The following RBMS2 variants were observed in gnomAD, a reference collection of about 807,000 sequenced individuals.
RBMS2 encodes the protein RNA-binding motif, single-stranded-interacting protein 2.
Under a neutral mutation model 58.4 loss-of-function variants are expected in RBMS2, and 38 were observed. That is an observed-to-expected ratio of 0.65 (90% CI 0.50 to 0.85). The LOEUF is 0.85. Among genes scored for constraint, RBMS2 ranks in the 40% least tolerant of loss-of-function variants. The pLI is 0.00. For synonymous variants in RBMS2, 151 were observed against 180.7 expected (o/e 0.84, Z 1.32); for missense variants, 367 against 503.7 (o/e 0.73, Z 2.60).
Position 56,588,342 on chromosome 12 carries a change from A to G in RBMS2, c.1111A>G (p.Thr371Ala), listed in dbSNP as rs954749575. The G allele has an allele frequency of 1.2e-6, 2 of 1,613,560 alleles. No individual in the cohort carries two copies. Among genetic ancestry groups the G allele is most frequent in the African/African-American group, 2.7e-5 (2 of 74,842 alleles). Residue 371 changes from threonine to alanine, a missense_variant, in exon 12 of 14, where the codon ACC (threonine) becomes GCC (alanine). Coordinates refer to ENST00000262031, the MANE Select transcript of RBMS2 (RefSeq NM_002898.4). Reference protein sequence around the residue: ...AMQGAYISQYTPVPSSSVSVE... With the variant: ...AMQGAYISQYAPVPSSSVSVE... ...GCAAGGAGCTTACATCTCCCAGTAC[A>G]CCCCTGTGCCTTCTTCCAGTGTTTC... is the stretch of plus-strand genomic sequence containing the variant.
At chr12:56,582,265 CACA>C in intron 9 of RBMS2, 113 bp downstream of exon 9, 1 of 916,134 alleles carries the variant, frequency 1.1e-6, no homozygotes, top group Non-Finnish European at 1.7e-6. Context: ...AATCATATTA[CACA>C]CAATTTTACA....
At chr12:56,553,414 C>T (rs776452754) in intron 1 of RBMS2, among the ~76,000 whole-genome samples, 31 of 152,038 alleles carry the variant, frequency 2.0e-4, no homozygotes, top group Middle Eastern at 3.4e-3. Context: ...CTACAACCTC[C>T]GCCTCCCAGG....
At chr12:56,569,794 T>A in intron 3 of RBMS2, 105 bp from the exon 4 acceptor site, 1 of 985,180 alleles carries the variant, frequency 1.0e-6, no homozygotes, top group Admixed American at 2.1e-5. Flanking sequence ...CTCCCTCCCA[T>A]TTCTGTTACA....
chr12:56,558,450 A>G lies in RBMS2; in HGVS notation c.67-3967A>G, dbSNP rs191326689. On this transcript the variant is annotated intron_variant, in intron 1 of 13. Coordinates refer to ENST00000262031, the MANE Select transcript of RBMS2 (RefSeq NM_002898.4). Reference sequence around the variant, plus strand: ...ACATTATCTCACATTGAGAATGGGGATAGATGAACGCCAACTGAGGCAGGT... The same window carrying G: ...ACATTATCTCACATTGAGAATGGGGGTAGATGAACGCCAACTGAGGCAGGT... Among the ~76,000 whole-genome samples, 289 of 150,704 alleles carry G rather than the reference A, an allele frequency of 1.9e-3. 6 individuals are homozygous for G. In the Middle Eastern group the frequency reaches 0.034, roughly 18 times the overall value.
In RBMS2 at chr12:56,588,371, C is replaced by T. The variant is rs143825451; in HGVS notation, c.1140C>T (p.Val380=). Residue 380 remains valine, a synonymous_variant, in exon 12 of 14, where the codon GTC becomes GTT. Transcript: ENST00000262031. ...YTPVPSSSVS[V]EESSGQQNQV... is the part of the protein sequence containing the mutation. Reference sequence around the variant, plus strand: ...CTGTGCCTTCTTCCAGTGTTTCAGTCGAGGTAAGGGTGTTATCATTTCTTT... The same window carrying T: ...CTGTGCCTTCTTCCAGTGTTTCAGTTGAGGTAAGGGTGTTATCATTTCTTT... 5,149 of 1,610,436 alleles carry T rather than the reference C, an allele frequency of 3.2e-3. 17 individuals are homozygous for T. Among genetic ancestry groups the T allele is most frequent in the Non-Finnish European group, 3.8e-3 (4,503 of 1,176,974 alleles).
intron 5 of RBMS2, among the ~76,000 whole-genome samples, chr12:56,579,503 G>A (rs1238155848): frequency 1.7e-4 from 26 of 151,864 alleles, no homozygotes; most frequent in Admixed American, 1.7e-3. Flanking sequence ...TGTGGTGGCG[G>A]GCACCTGTAG....
In RBMS2 at chr12:56,587,615, G is replaced by A. The variant is rs755263749; in HGVS notation, c.1013G>A (p.Gly338Glu). 4 of 1,613,986 alleles carry A rather than the reference G, an allele frequency of 2.5e-6. No homozygotes were observed. The highest frequency in any genetic ancestry group is 2.2e-5 in the East Asian group (1 of 44,868). Residue 338 changes from glycine (G) to glutamate (E), a missense_variant, in exon 11 of 14, where the codon GGA (glycine) becomes GAA (glutamate). This residue lies in a region of RBMS2 where 220 missense variants were observed against 261.1 expected (regional missense o/e 0.84). Coordinates refer to ENST00000262031, the MANE Select transcript of RBMS2 (RefSeq NM_002898.4). ...TCTCTCCAGCCTGCCTCCATGATGGGACCCCTTACCCAGCAACTGGGCCAT... is the reference window on the plus strand; with the variant it reads ...TCTCTCCAGCCTGCCTCCATGATGGAACCCCTTACCCAGCAACTGGGCCAT... ...PISLQPASMM[G>E]PLTQQLGHLS...
In RBMS2 at chr12:56,592,393, A is replaced by T. The variant is rs1885364666; in HGVS notation, c.*3260A>T. Reference sequence around the variant, plus strand: ...CTAGCCATCTCCTATCGGTGTTATTACTCCTCATCTCAGGCTCTGAGATGA... The same window carrying T: ...CTAGCCATCTCCTATCGGTGTTATTTCTCCTCATCTCAGGCTCTGAGATGA... On this transcript the variant is annotated 3_prime_UTR_variant, in exon 14 of 14. Coordinates refer to ENST00000262031, the MANE Select transcript of RBMS2 (RefSeq NM_002898.4). 1 of 151,980 alleles carries T rather than the reference A, an allele frequency of 6.6e-6. No homozygotes were observed. Among genetic ancestry groups the T allele is most frequent in the South Asian group, 2.1e-4 (1 of 4,808 alleles). 9.4% of individuals were successfully genotyped at this position (151,980 alleles called of 1,614,324 possible). A position where few individuals can be genotyped will look rare whatever the true frequency, so the allele number is the denominator to read the frequency against.
chr12:56,575,835 G>A (rs1242095440), intron 5 of RBMS2, among the ~76,000 whole-genome samples: 2 of 151,292 alleles, frequency 1.3e-5, no homozygotes, highest in Non-Finnish European at 2.9e-5. Context: ...CGGAGGTTAC[G>A]GTGAGCTGAG....
At chr12:56,541,912 G>A (rs1876156558) in intron 1 of RBMS2, among the ~76,000 whole-genome samples, 1 of 152,166 alleles carries the variant, frequency 6.6e-6, no homozygotes, top group African/African-American at 2.4e-5. Flanking sequence ...TAGGGAATAA[G>A]TGTTTTTCCC....
chr12:56,521,850 C>T lies in RBMS2; in HGVS notation c.-174C>T. The T allele has an allele frequency of 5.8e-6, 3 of 521,164 alleles. No homozygotes were observed. Among genetic ancestry groups the T allele is most frequent in the South Asian group, 4.8e-5 (2 of 41,956 alleles). 32.3% of individuals were successfully genotyped at this position (521,164 alleles called of 1,614,324 possible). On this transcript the variant is annotated 5_prime_UTR_variant, in exon 1 of 14. Transcript: ENST00000262031. ...GAGCTCATTCTCTGCCCGCAGCCCCCCTTCATCTCTCTCCTCCTGCTCCTT... is the reference window on the plus strand; with the variant it reads ...GAGCTCATTCTCTGCCCGCAGCCCCTCTTCATCTCTCTCCTCCTGCTCCTT...
intron 10 of RBMS2, 150 bp from the exon 11 acceptor site, chr12:56,587,404 A>G (rs1178321701): frequency 2.7e-6 from 2 of 729,984 alleles, no homozygotes; most frequent in Non-Finnish European, 4.4e-6. Flanking sequence ...CAGAGTTCCT[A>G]TTCTTGTTGC....
chr12:56,560,478 T>C (rs937452742), intron 1 of RBMS2, among the ~76,000 whole-genome samples: 5 of 151,978 alleles, frequency 3.3e-5, no homozygotes, highest in Non-Finnish European at 5.9e-5. Flanking sequence ...GATCTTGAAC[T>C]CCTGAGCTCA....
chr12:56,584,005 A>C (rs1403208060), intron 9 of RBMS2, among the ~76,000 whole-genome samples: 1 of 152,220 alleles, frequency 6.6e-6, no homozygotes, highest in African/African-American at 2.4e-5. Context: ...TGGGCACCAC[A>C]CCCAGTTCCT....
intron 1 of RBMS2, among the ~76,000 whole-genome samples, chr12:56,536,338 G>A (rs1874826884): frequency 6.6e-6 from 1 of 151,676 alleles, no homozygotes. Context: ...TACCCAGGCT[G>A]TTCTTGAACT....
intron 1 of RBMS2, among the ~76,000 whole-genome samples, chr12:56,523,247 T>C (rs1488462289): frequency 6.6e-6 from 1 of 152,124 alleles, no homozygotes; most frequent in Non-Finnish European, 1.5e-5. Flanking sequence ...GTAGTAGATA[T>C]GTAGGATGAA....
intron 3 of RBMS2, 27 bp from the exon 4 acceptor site, chr12:56,569,872 C>G (rs774495741): frequency 1.3e-6 from 2 of 1,574,724 alleles, no homozygotes; most frequent in Non-Finnish European, 1.7e-6. Context: ...CTCCCACTTC[C>G]TAGTGATGCT....
rs895268100 is a variant in RBMS2 at position 56,577,793 on chromosome 12, C to A, written c.543-3391C>A. Among the ~76,000 whole-genome samples, 4 of 152,100 alleles carry A rather than the reference C, an allele frequency of 2.6e-5. No homozygotes were observed. In the East Asian group the frequency reaches 5.8e-4, roughly 22 times the overall value. On this transcript the variant is annotated intron_variant, in intron 5 of 13. Coordinates refer to ENST00000262031, the MANE Select transcript of RBMS2 (RefSeq NM_002898.4). ...TGCCTCCCAGGTTCAAGCAATTCTC[C>A]TGCCTCAACCTCCCAAGTAGCCGGG...
Position 56,588,297 on chromosome 12 carries a change from A to G in RBMS2, c.1066A>G (p.Met356Val). 1 of 1,613,472 alleles carries G rather than the reference A, an allele frequency of 6.2e-7. No individual in the cohort carries two copies. Among genetic ancestry groups the G allele is most frequent in the Non-Finnish European group, 8.5e-7 (1 of 1,179,400 alleles). The change falls in exon 12 of 14, where the codon ATG becomes GTG. Residue 356 changes from methionine (M) to valine (V), a missense_variant. By Grantham distance (21) the Met-to-Val change is conservative (BLOSUM62 1). Around this residue, in one of 3 missense-constraint regions of RBMS2, gnomAD observed 220 missense variants for 261.1 expected, o/e 0.84. Transcript: ENST00000262031. ...HLSLSSTGTY[M>V]PTAAAMQGAY... The stretch of plus-strand genomic sequence containing the variant: ...CTGTTGATGTTTCTCTTTCTAGTAT[A>G]TGCCGACGGCTGCAGCTATGCAAGG...
Sources: allele counts gnomAD v4.1 joint callset (sites outside exome capture counted in the v4.1 genomes callset), GRCh38; gene constraint gnomAD v4.1.1; regional missense constraint gnomAD v4.1.1; transcripts MANE v1.5; gene names NCBI Gene and HGNC (gene_info 2026-07-23, HGNC 2026-07-21).